Variants in HECW2 observed in about 807,000 individuals in gnomAD.
The protein encoded by HECW2 is E3 ubiquitin-protein ligase HECW2.
A neutral mutation model predicts 175.2 loss-of-function variants in HECW2; 61 were observed. That is an observed-to-expected ratio of 0.35 (90% CI 0.28 to 0.43). The LOEUF (loss-of-function observed/expected upper bound fraction) is 0.43, where lower values mean the gene tolerates loss of function less well. HECW2 is among the 20% of genes least tolerant of loss of function. The pLI, the probability that HECW2 is intolerant of heterozygous loss-of-function variation, is 1.00. For missense variants in HECW2, 1,524 were observed against 2,000.5 expected (o/e 0.76, Z 4.54); for synonymous variants, 671 against 731.0 (o/e 0.92, Z 1.32).
chr2:196,201,313 T>C lies in HECW2; in HGVS notation c.4683A>G (p.Thr1561=), dbSNP rs758666142. 2 of 1,613,658 alleles carry C rather than the reference T, an allele frequency of 1.2e-6. No individual in the cohort carries two copies. The highest frequency in any genetic ancestry group is 1.7e-6 in the Non-Finnish European group (2 of 1,179,568). ...SFSMLYEKLL[T]AVEETSTFGL... is the part of the protein sequence containing the mutation. ...CAAAAGTACTGGTTTCTTCAACTGCTGTCAACAGTTTTTCATAAAGCATGG... is the reference window on the plus strand; with the variant it reads ...CAAAAGTACTGGTTTCTTCAACTGCCGTCAACAGTTTTTCATAAAGCATGG... The change falls in exon 29 of 29, where the codon ACA becomes ACG. Residue 1561 remains threonine (T), a synonymous_variant. Coordinates refer to ENST00000644978, the MANE Select transcript of HECW2 (RefSeq NM_001348768.2).
chr2:196,354,342 C>G (rs1355466543), intron 2 of HECW2, among the ~76,000 whole-genome samples: 1 of 152,330 alleles, frequency 6.6e-6, no homozygotes, highest in Non-Finnish European at 1.5e-5. Context: ...CTGCATGGAG[C>G]CTGCTGCTGT....
At chr2:196,587,279 T>C (rs1215286472) in intron 1 of HECW2, among the ~76,000 whole-genome samples, 1 of 152,248 alleles carries the variant, frequency 6.6e-6, no homozygotes, top group Non-Finnish European at 1.5e-5. Flanking sequence ...CATGCCACTA[T>C]TGGACAAAGT....
At chr2:196,329,758 G>T (rs1692289284) in intron 4 of HECW2, 108 bp from the exon 5 acceptor site, 2 of 835,482 alleles carry the variant, frequency 2.4e-6, no homozygotes, top group East Asian at 2.5e-5. Context: ...CATCAAACGG[G>T]TATTGTATCA....
intron 22 of HECW2, among the ~76,000 whole-genome samples, chr2:196,226,995 A>G (rs1455857582): frequency 2.0e-5 from 3 of 152,212 alleles, no homozygotes; most frequent in Non-Finnish European, 4.4e-5. Flanking sequence ...GCTCTTTGAA[A>G]GTCTGATGCC....
rs1686623789 is a variant in HECW2, at chr2:196,194,448, T to A, written c.*6829A>T. On this transcript the variant is annotated 3_prime_UTR_variant, in exon 29 of 29. Transcript: ENST00000644978. ...GGTTTTAAACAAAAATAGAGATCAG[T>A]ATGAAAATAAAACAAATTGTACACA... 1 of 152,042 alleles carries A rather than the reference T, an allele frequency of 6.6e-6. No individual in the cohort carries two copies. Among genetic ancestry groups the A allele is most frequent in the Admixed American group, 6.5e-5 (1 of 15,270 alleles). 9.4% of individuals were successfully genotyped at this position (152,042 alleles called of 1,614,324 possible).
intron 15 of HECW2, 38 bp from the exon 16 acceptor site, chr2:196,274,161 GC>G: frequency 6.7e-7 from 1 of 1,488,392 alleles, no homozygotes; most frequent in Non-Finnish European, 9.4e-7. Flanking sequence ...TGCACCAAGA[GC>G]CAGAATGCTC....
At chr2:196,467,099 T>C (rs1021140691) in intron 1 of HECW2, among the ~76,000 whole-genome samples, 2 of 152,214 alleles carry the variant, frequency 1.3e-5, no homozygotes, top group African/African-American at 4.8e-5. Flanking sequence ...AAGCTGTTGT[T>C]AGGGGTTCCC....
intron 2 of HECW2, among the ~76,000 whole-genome samples, chr2:196,384,138 T>G (rs922480230): frequency 1.3e-5 from 2 of 152,214 alleles, no homozygotes; most frequent in African/African-American, 4.8e-5. Context: ...TTGGATTGTT[T>G]AACAAGCTCA....
chr2:196,201,260 G>A lies in HECW2; in HGVS notation c.*17C>T. ...CTGAACCTGCCTGTCCACAGAGATG[G>A]GCATTCAGCTTCCAGGTCACTCAAG... On this transcript the variant is annotated 3_prime_UTR_variant, in exon 29 of 29. Transcript: ENST00000644978. 2.0e-6 allele frequency: 3 copies of A among 1,503,666 alleles called. No homozygotes were observed. Among genetic ancestry groups the A allele is most frequent in the Non-Finnish European group, 2.8e-6 (3 of 1,079,608 alleles). The allele number at this position is 1,503,666 out of a possible 1,614,324, so 93.1% of individuals were successfully genotyped here.
intron 1 of HECW2, among the ~76,000 whole-genome samples, chr2:196,464,794 C>A (rs1216751798): frequency 3.9e-5 from 6 of 152,168 alleles, no homozygotes; most frequent in Non-Finnish European, 1.5e-5. Flanking sequence ...GTAATCCCAG[C>A]ACTTTGGGAG....
intron 1 of HECW2, among the ~76,000 whole-genome samples, chr2:196,460,742 C>T: frequency 6.7e-6 from 1 of 149,824 alleles, no homozygotes; most frequent in Non-Finnish European, 1.5e-5. Context: ...TCCCAAGTAA[C>T]TGGGACTACA....
chr2:196,565,069 C>T (rs1303857341), intron 1 of HECW2, among the ~76,000 whole-genome samples: 1 of 151,858 alleles, frequency 6.6e-6, no homozygotes, highest in Non-Finnish European at 1.5e-5. Context: ...AAATTCACCA[C>T]TCTCTTTTGC....
intron 1 of HECW2, among the ~76,000 whole-genome samples, chr2:196,590,106 G>A (rs189777923): frequency 6.6e-6 from 1 of 152,072 alleles, no homozygotes; most frequent in Admixed American, 6.5e-5. Flanking sequence ...TCGGAAGAGG[G>A]GTGATGAAAA....
intron 21 of HECW2, 122 bp downstream of exon 21, chr2:196,240,327 G>T: frequency 1.7e-6 from 1 of 597,296 alleles, no homozygotes; most frequent in Non-Finnish European, 2.9e-6. Context: ...AGGTTTAAGT[G>T]TATGAGAACA....
At chr2:196,356,776 T>C (rs1038472198) in intron 2 of HECW2, among the ~76,000 whole-genome samples, 2 of 152,256 alleles carry the variant, frequency 1.3e-5, no homozygotes, top group Non-Finnish European at 2.9e-5. Context: ...TATTTTGTTT[T>C]AGTTACTGTT....
At chr2:196,416,057 T>A (rs1695247245) in intron 2 of HECW2, among the ~76,000 whole-genome samples, 1 of 152,240 alleles carries the variant, frequency 6.6e-6, no homozygotes, top group African/African-American at 2.4e-5. Context: ...TTAATAGAGA[T>A]AGCTTTTCTT....
Position 196,325,140 on chromosome 2 carries a change from G to A in HECW2, c.581C>T (p.Ala194Val). ...GAACATCCCTTTCTTTAGCCCAACT[G>A]CCCTAAGATCTTTAAAGAAAGAGGG... Reference protein sequence around the residue: ...LVSFTLSDLRAVGLKKGMFFN... With the variant: ...LVSFTLSDLRVVGLKKGMFFN... The change falls in exon 6 of 29, where the codon GCA becomes GTA. Residue 194 changes from alanine (A) to valine (V), a missense_variant. Physicochemically the swap from Ala to Val is moderately conservative, Grantham distance 64 (BLOSUM62 0). Around this residue, in one of 11 missense-constraint regions of HECW2, gnomAD observed 54 missense variants for 46.8 expected, o/e 1.15. Transcript: ENST00000644978. The A allele has an allele frequency of 1.3e-6, 2 of 1,588,066 alleles. No individual in the cohort carries two copies. Among genetic ancestry groups the A allele is most frequent in the South Asian group, 1.2e-5 (1 of 86,806 alleles).
At chr2:196,302,061 T>C (rs6749333) in intron 13 of HECW2, among the ~76,000 whole-genome samples, 7,893 of 152,272 alleles carry the variant, frequency 0.052, 658 homozygotes, top group African/African-American at 0.18. Flanking sequence ...AATTTTTGTA[T>C]ATAATGTAAG....
intron 2 of HECW2, among the ~76,000 whole-genome samples, chr2:196,380,069 C>A (rs557071205): frequency 6.6e-6 from 1 of 152,126 alleles, no homozygotes; most frequent in South Asian, 2.1e-4. Flanking sequence ...AGACATTTTG[C>A]TTATTTAAGA....
Sources: gnomAD v4.1 joint callset for allele counts (sites outside exome capture counted in the v4.1 genomes callset) on GRCh38, gnomAD v4.1.1 for gene constraint, gnomAD v4.1.1 regional missense constraint, MANE v1.5 for transcripts, NCBI Gene and HGNC (gene_info 2026-07-23, HGNC 2026-07-21) for gene names.